GJB6: variants seen among roughly 807,000 people sequenced by gnomAD.
GJB6 encodes gap junction beta-6 protein.
In GJB6, 5 loss-of-function variants were observed where a neutral mutation model predicts 5.4. The ratio of observed to expected loss-of-function variants is 0.92; its 90% CI spans 0.48 to 1.93. The LOEUF (loss-of-function observed/expected upper bound fraction) is 1.93. GJB6 is among the 30% of genes most tolerant of loss of function. The pLI is 0.01. For missense variants in GJB6, 298 were observed against 326.9 expected (o/e 0.91, Z 0.68); for synonymous variants, 136 against 129.6 (o/e 1.05, Z -0.34).
At chr13:20,223,783 G>C (rs1463261795) in intron 4 of GJB6, among the ~76,000 whole-genome samples, 9 of 151,946 alleles carry the variant, frequency 5.9e-5, no homozygotes, top group Admixed American at 5.9e-4. Flanking sequence ...GGCTAACAAG[G>C]TAAAACCCCA....
chr13:20,222,514 T>C lies in GJB6; in HGVS notation c.*181A>G, dbSNP rs1869240278. ...CTCTTGTTTTCAGAGATGGACCACA[T>C]ATTTGATTACGTTGTGTATGAATGG... On this transcript the variant is annotated 3_prime_UTR_variant, in exon 5 of 5. Transcript: ENST00000647029. 4.9e-6 allele frequency: 3 copies of C among 612,518 alleles called. No individual in the cohort carries two copies. In the South Asian group the frequency reaches 5.9e-5, roughly 12 times the overall value. 37.9% of individuals were successfully genotyped at this position (612,518 alleles called of 1,614,324 possible).
In GJB6 at chr13:20,222,334, A is replaced by C; in HGVS notation, c.*361T>G. 4.9e-6 allele frequency: 1 copy of C among 203,292 alleles called. No homozygotes were observed. The highest frequency in any genetic ancestry group is 1.0e-5 in the Non-Finnish European group (1 of 99,282). 12.6% of individuals were successfully genotyped at this position (203,292 alleles called of 1,614,324 possible). A position where few individuals can be genotyped will look rare whatever the true frequency, so the allele number is the denominator to read the frequency against. On this transcript the variant is annotated 3_prime_UTR_variant, in exon 5 of 5. Transcript: ENST00000647029. Reference sequence around the variant, plus strand: ...GTCAGAACTAAAAACATCCAAGCCTATAAAAATATCTTTTCCTAATAAACG... The same window carrying C: ...GTCAGAACTAAAAACATCCAAGCCTCTAAAAATATCTTTTCCTAATAAACG...
chr13:20,222,416 G>T lies in GJB6; in HGVS notation c.*279C>A. 1 of 401,306 alleles carries T rather than the reference G, an allele frequency of 2.5e-6. No homozygotes were observed. The highest frequency in any genetic ancestry group is 4.5e-5 in the South Asian group (1 of 22,250). 24.9% of individuals were successfully genotyped at this position (401,306 alleles called of 1,614,324 possible). A position where few individuals can be genotyped will look rare whatever the true frequency, so the allele number is the denominator to read the frequency against. ...CAACAGTTATATAAATTTTCAGAAA[G>T]TACCCACTTTGTCAGAGAGTCCACT... On this transcript the variant is annotated 3_prime_UTR_variant, in exon 5 of 5. Coordinates refer to ENST00000647029, the MANE Select transcript of GJB6 (RefSeq NM_001110219.3).
chr13:20,226,525 T>G (rs1869591843), intron 4 of GJB6, among the ~76,000 whole-genome samples: 1 of 152,202 alleles, frequency 6.6e-6, no homozygotes, highest in South Asian at 2.1e-4. Context: ...TAAATGCAGC[T>G]CCATTTAAAA....
In GJB6 at chr13:20,232,269, G is replaced by C. The variant is rs1462094143; in HGVS notation, c.-495C>G. Reference sequence around the variant, plus strand: ...TTCGCTCCGGCTGGGCAGGCAGGTCGGGCTCGGGCGCCGCCGGCTGTCGGG... The same window carrying C: ...TTCGCTCCGGCTGGGCAGGCAGGTCCGGCTCGGGCGCCGCCGGCTGTCGGG... On this transcript the variant is annotated 5_prime_UTR_variant, in exon 1 of 5. Coordinates refer to ENST00000647029, the MANE Select transcript of GJB6 (RefSeq NM_001110219.3). 2.6e-5 allele frequency: 4 copies of C among 151,964 alleles called. No homozygotes were observed. The highest frequency in any genetic ancestry group is 7.2e-5 in the African/African-American group (3 of 41,410). The allele number at this position is 151,964 out of a possible 1,614,324, so 9.4% of individuals were successfully genotyped here.
intron 4 of GJB6, 76 bp from the exon 5 acceptor site, chr13:20,223,571 G>T: frequency 9.0e-7 from 1 of 1,112,394 alleles, no homozygotes; most frequent in Non-Finnish European, 1.4e-6. Context: ...ATTACAGACT[G>T]AAGCCAACTT....
At chr13:20,225,365 A>G (rs1869507137) in intron 4 of GJB6, 1 of 152,238 alleles carries the variant, frequency 6.6e-6, no homozygotes, top group African/African-American at 2.4e-5. Flanking sequence ...GGATTTCCTT[A>G]TTTTGGAGGC....
At chr13:20,229,937 T>C (rs1422300928) in intron 3 of GJB6, 188 bp from the exon 4 acceptor site, 3 of 151,896 alleles carry the variant, frequency 2.0e-5, no homozygotes, top group Non-Finnish European at 4.4e-5. Flanking sequence ...TAATCAAAGG[T>C]GCTCTTTAGT....
At chr13:20,229,150 A>AAAAAAAAAAAAAAAAAAT (rs1869874003) in intron 4 of GJB6, among the ~76,000 whole-genome samples, 2 of 62,160 alleles carry the variant, frequency 3.2e-5, no homozygotes, top group African/African-American at 1.6e-4. Context: ...AAAAAAAAAA[A>AAAAAAAAAAAAAAAAAAT]TTTTTTTTTT....
In GJB6 at chr13:20,223,274, G is replaced by A. The variant is rs1390955098; in HGVS notation, c.207C>T (p.Phe69=). The part of the protein sequence containing the change: ...GCKNVCYDHF[F]PVSHIRLWAL... ...CCCACAGCCGGATGTGGGACACCGG[G>A]AAAAAGTGGTCATAGCACACATTTT... The change falls in exon 5 of 5, where the codon TTC becomes TTT. Residue 69 remains phenylalanine, a synonymous_variant. Transcript: ENST00000647029. The A allele has an allele frequency of 6.2e-7, 1 of 1,612,442 alleles. No individual in the cohort carries two copies. Among genetic ancestry groups the A allele is most frequent in the Admixed American group, 1.7e-5 (1 of 60,008 alleles).
Position 20,223,170 on chromosome 13 carries a change from C to T in GJB6, c.311G>A (p.Arg104His), listed in dbSNP as rs549918398. ...HVAYYRHETT[R>H]KFRRGEKRND... is the part of the protein sequence containing the mutation. ...CCTCTTCTCTCCTCGCCTGAACTTG[C>T]GAGTGGTTTCGTGCCTGTAGTAGGC... The change falls in exon 5 of 5, where the codon CGC becomes CAC. Residue 104 changes from arginine (R) to histidine (H), a missense_variant. Transcript: ENST00000647029. 190 of 1,613,446 alleles carry T rather than the reference C, an allele frequency of 1.2e-4. 2 individuals carry two copies. The South Asian group carries it at 2.0e-3, about 17-fold the overall frequency.
At position 20,223,308 on chromosome 13, in the gene GJB6, G is replaced by A. The variant is rs764997003; in HGVS notation, c.173C>T (p.Pro58Leu). The change falls in exon 5 of 5, where the codon CCG (proline) becomes CTG (leucine). Residue 58 changes from proline to leucine, a missense_variant. By Grantham distance (98) the Pro-to-Leu change is moderately conservative. Coordinates refer to ENST00000647029, the MANE Select transcript of GJB6 (RefSeq NM_001110219.3). ...QEDFVCNTLQPGCKNVCYDHF... is the reference protein window; with the variant it reads ...QEDFVCNTLQLGCKNVCYDHF... The stretch of plus-strand genomic sequence containing the variant: ...GTCATAGCACACATTTTTGCATCCC[G>A]GTTGCAGTGTGTTGCAGACGAAGTC... The A allele has an allele frequency of 1.3e-5, 21 of 1,614,020 alleles. No individual in the cohort carries two copies. The Admixed American group carries it at 2.7e-4, about 20-fold the overall frequency.
intron 4 of GJB6, among the ~76,000 whole-genome samples, chr13:20,228,710 T>C (rs969347753): frequency 1.2e-4 from 18 of 150,902 alleles, no homozygotes; most frequent in African/African-American, 2.9e-4. Context: ...GGTCTCGATC[T>C]CCTGACCTCA....
In GJB6 at chr13:20,222,569, G is replaced by T; in HGVS notation, c.*126C>A. The T allele has an allele frequency of 1.3e-6, 1 of 777,516 alleles. No homozygotes were observed. The highest frequency in any genetic ancestry group is 1.5e-5 in the South Asian group (1 of 67,584). The allele number at this position is 777,516 out of a possible 1,614,324, so 48.2% of individuals were successfully genotyped here. A position where few individuals can be genotyped will look rare whatever the true frequency, so the allele number is the denominator to read the frequency against. On this transcript the variant is annotated 3_prime_UTR_variant, in exon 5 of 5. Coordinates refer to ENST00000647029, the MANE Select transcript of GJB6 (RefSeq NM_001110219.3). ...AGTATCCTACAAAAAGTTAACTCAAGTGTCTATTTATTATGAAAGTCATTT... is the reference window on the plus strand; with the variant it reads ...AGTATCCTACAAAAAGTTAACTCAATTGTCTATTTATTATGAAAGTCATTT...
intron 4 of GJB6, among the ~76,000 whole-genome samples, chr13:20,227,394 G>A (rs1186469989): frequency 6.6e-6 from 1 of 152,174 alleles, no homozygotes; most frequent in Admixed American, 6.5e-5. Flanking sequence ...ATACAAGTGT[G>A]TCTAACTCCC....
chr13:20,227,995 G>A (rs1869712111), intron 4 of GJB6, among the ~76,000 whole-genome samples: 1 of 127,356 alleles, frequency 7.9e-6, no homozygotes, highest in Admixed American at 8.8e-5. Context: ...TGGGTTGGGG[G>A]TGGCAAAGAA....
chr13:20,231,240 C>G (rs1870061598), intron 2 of GJB6, 142 bp downstream of exon 2: 1 of 152,236 alleles, frequency 6.6e-6, no homozygotes, highest in African/African-American at 2.4e-5. Flanking sequence ...AAAGAACAAC[C>G]CGGCACGGTT....
intron 1 of GJB6, among the ~76,000 whole-genome samples, chr13:20,231,911 G>A (rs1870108224): frequency 6.6e-6 from 1 of 152,166 alleles, no homozygotes. Context: ...GGTCCAGCGC[G>A]GGCGGCGCCC....
Position 20,223,065 on chromosome 13 carries a change from C to G in GJB6, c.416G>C (p.Ser139Thr). Residue 139 changes from serine to threonine, a missense_variant, in exon 5 of 5, where the codon AGC (serine) becomes ACC (threonine). Physicochemically the swap from Ser to Thr is moderately conservative, Grantham distance 58. Coordinates refer to ENST00000647029, the MANE Select transcript of GJB6 (RefSeq NM_001110219.3). The part of the protein sequence containing the change: ...EGSLWWTYTS[S>T]IFFRIIFEAA... ...TTCAAAGATGATTCGGAAAAAGATG[C>G]TGCTGGTGTACGTCCACCACAGCGA... is the stretch of plus-strand genomic sequence containing the variant. 6.2e-7 allele frequency: 1 copy of G among 1,613,524 alleles called. No individual in the cohort carries two copies. Among genetic ancestry groups the G allele is most frequent in the Non-Finnish European group, 8.5e-7 (1 of 1,179,416 alleles).
Sources: allele counts gnomAD v4.1 joint callset (sites outside exome capture counted in the v4.1 genomes callset), GRCh38; gene constraint gnomAD v4.1.1; transcripts MANE v1.5; gene names NCBI Gene and HGNC (gene_info 2026-07-23, HGNC 2026-07-21).